CACNA1E: variants seen among roughly 807,000 people sequenced by gnomAD.
CACNA1E encodes the protein voltage-dependent R-type calcium channel subunit alpha-1E.
CACNA1E carries 40 observed loss-of-function variants against 259.2 expected under a neutral mutation model. That is an observed-to-expected ratio of 0.15 (90% CI 0.12 to 0.20). CACNA1E has a LOEUF of 0.20. CACNA1E is among the 10% of genes least tolerant of loss of function. The probability of loss-of-function intolerance (pLI) is 1.00; values close to 1 mark genes in which losing one functional copy is unlikely to be tolerated. For missense variants in CACNA1E, 1,874 were observed against 3,040.1 expected, an observed-to-expected ratio of 0.62 and a Z score of 9.02; for synonymous variants, 1,104 against 1,138.5, an observed-to-expected ratio of 0.97 and a Z score of 0.61.
At chr1:181,642,495 G>A (rs908935517) in intron 6 of CACNA1E, among the ~76,000 whole-genome samples, 7 of 152,138 alleles carry the variant, frequency 4.6e-5, no homozygotes, top group Non-Finnish European at 8.8e-5. Flanking sequence ...TGCACAAAAC[G>A]TTCACAATAG....
At chr1:181,779,451 T>C (rs1002892595) in intron 38 of CACNA1E, 8 of 449,076 alleles carry the variant, frequency 1.8e-5, no homozygotes, top group Non-Finnish European at 3.6e-5. Context: ...AGCGGCAGGA[T>C]CCCGTATAAG....
chr1:181,789,258 G>A (rs951736562), intron 43 of CACNA1E, among the ~76,000 whole-genome samples: 3 of 152,328 alleles, frequency 2.0e-5, no homozygotes, highest in South Asian at 2.1e-4. Flanking sequence ...ATTTAGGCAG[G>A]TCATTTAAAT....
intron 7 of CACNA1E, chr1:181,669,062 T>C (rs1648535281): frequency 6.6e-6 from 1 of 152,172 alleles, no homozygotes; most frequent in African/African-American, 2.4e-5. Flanking sequence ...CAATAATTAT[T>C]AAATCATGTT....
chr1:181,712,965 A>G (rs1653528624), intron 8 of CACNA1E, among the ~76,000 whole-genome samples: 1 of 152,218 alleles, frequency 6.6e-6, no homozygotes, highest in Admixed American at 6.5e-5. Flanking sequence ...TGGCAAAGCC[A>G]GCTCTCTCCT....
intron 1 of CACNA1E, among the ~76,000 whole-genome samples, chr1:181,328,752 G>A (rs1650995219): frequency 6.6e-6 from 1 of 152,130 alleles, no homozygotes; most frequent in Non-Finnish European, 1.5e-5. Context: ...ACAGATTGAG[G>A]GAAGGTAAGT....
In CACNA1E at chr1:181,732,563, T is replaced by G. The variant is rs1218563653; in HGVS notation, c.2477T>G (p.Leu826Arg). The G allele has an allele frequency of 5.8e-6, 9 of 1,540,534 alleles. No individual in the cohort carries two copies. The highest frequency in any genetic ancestry group is 7.9e-6 in the Non-Finnish European group (9 of 1,142,000). ...SLNPLNAHPS[L>R]YRRPRAIEGL... is the part of the protein sequence containing the mutation. ...AACCCGCTCAATGCCCACCCCAGCCTTTATCGGCGACCCAGGGCCATTGAG... is the reference window on the plus strand; with the variant it reads ...AACCCGCTCAATGCCCACCCCAGCCGTTATCGGCGACCCAGGGCCATTGAG... The change falls in exon 20 of 48, where the codon CTT becomes CGT. Residue 826 changes from leucine (L) to arginine (R), a missense_variant. Leu to Arg is a moderately radical substitution (Grantham distance 102). Transcript: ENST00000367573. This position sits in a 1 kb window ranked among gnomAD's most constrained non-coding sequence, Gnocchi z 5.5.
intron 1 of CACNA1E, among the ~76,000 whole-genome samples, chr1:181,487,035 T>G (rs1663885403): frequency 6.6e-6 from 1 of 152,150 alleles, no homozygotes; most frequent in South Asian, 2.1e-4. Flanking sequence ...TTTTTTTTTT[T>G]TTTTTAAGAA....
At chr1:181,497,769 A>T (rs570356894) in intron 1 of CACNA1E, among the ~76,000 whole-genome samples, 34 of 152,328 alleles carry the variant, frequency 2.2e-4, no homozygotes, top group African/African-American at 8.2e-4. Context: ...TTAGGATGAC[A>T]CTGTGAACTA....
At position 181,785,341 on chromosome 1, in the gene CACNA1E, A is replaced by G. The variant is rs1183137426; in HGVS notation, c.5602A>G (p.Ile1868Val). 2 of 1,613,336 alleles carry G rather than the reference A, an allele frequency of 1.2e-6. No individual in the cohort carries two copies. Among genetic ancestry groups the G allele is most frequent in the Non-Finnish European group, 1.7e-6 (2 of 1,179,530 alleles). ...AGCCTCTGACCTGACTGTGGGCAAA[A>G]TCTATGCAGCAATGATGATCATGGA... ...PKASDLTVGKIYAAMMIMDYY... is the reference protein window; with the variant it reads ...PKASDLTVGKVYAAMMIMDYY... Residue 1868 changes from isoleucine (I) to valine (V), a missense_variant, in exon 42 of 48, where the codon ATC becomes GTC. Ile to Val is a conservative substitution (Grantham distance 29, BLOSUM62 3). This residue lies in a region of CACNA1E where 147 missense variants were observed against 337.1 expected (regional missense o/e 0.44). Coordinates refer to ENST00000367573, the MANE Select transcript of CACNA1E (RefSeq NM_001205293.3).
chr1:181,470,562 CAA>C (rs1259167629), intron 2 of CACNA1E, among the ~76,000 whole-genome samples: 2 of 152,066 alleles, frequency 1.3e-5, no homozygotes, highest in Non-Finnish European at 1.5e-5. Flanking sequence ...ACTGTGGCAA[CAA>C]TGCCTTTTCC....
At chr1:181,444,428 GA>G (rs1660686599) in intron 2 of CACNA1E, among the ~76,000 whole-genome samples, 1 of 152,174 alleles carries the variant, frequency 6.6e-6, no homozygotes, top group African/African-American at 2.4e-5. Context: ...GCTATGGGGG[GA>G]AAGGGAGGAG....
intron 10 of CACNA1E, 59 bp from the exon 11 acceptor site, chr1:181,717,034 C>T: frequency 6.8e-7 from 1 of 1,472,030 alleles, no homozygotes; most frequent in Non-Finnish European, 9.5e-7. Flanking sequence ...TTCGAATGCT[C>T]CCTGGCCCGG....
intron 6 of CACNA1E, among the ~76,000 whole-genome samples, chr1:181,594,459 C>T (rs182161001): frequency 2.3e-4 from 35 of 152,292 alleles, no homozygotes; most frequent in East Asian, 9.6e-4. Flanking sequence ...AGTGCAGTGG[C>T]GTGATCTTGG....
intron 35 of CACNA1E, among the ~76,000 whole-genome samples, chr1:181,770,152 G>GA (rs1263276909): frequency 6.6e-6 from 1 of 152,174 alleles, no homozygotes; most frequent in Non-Finnish European, 1.5e-5. Flanking sequence ...CTGTGAGGGG[G>GA]AAAATGTGTT....
chr1:181,392,501 A>G (rs1438137158), intron 1 of CACNA1E, among the ~76,000 whole-genome samples: 1 of 151,798 alleles, frequency 6.6e-6, no homozygotes, highest in African/African-American at 2.4e-5. Context: ...AGGCTCTTCC[A>G]TGGCCAGGAC....
chr1:181,453,512 G>C (rs1364077689), intron 2 of CACNA1E, among the ~76,000 whole-genome samples: 2 of 152,216 alleles, frequency 1.3e-5, no homozygotes, highest in African/African-American at 4.8e-5. Flanking sequence ...GTAATACAAG[G>C]AGGAGGCAGG....
At chr1:181,524,913 G>A (rs943294487) in intron 3 of CACNA1E, among the ~76,000 whole-genome samples, 3 of 152,138 alleles carry the variant, frequency 2.0e-5, no homozygotes, top group Non-Finnish European at 4.4e-5. Context: ...TTATCTATGT[G>A]AGTATAAATT....
chr1:181,661,517 T>A (rs1363913557), intron 7 of CACNA1E, among the ~76,000 whole-genome samples: 1 of 151,992 alleles, frequency 6.6e-6, no homozygotes, highest in South Asian at 2.1e-4. Context: ...AGACTGTAGG[T>A]GGCTGGGGGA....
At chr1:181,595,094 A>C (rs1311194422) in intron 6 of CACNA1E, among the ~76,000 whole-genome samples, 2 of 152,246 alleles carry the variant, frequency 1.3e-5, no homozygotes, top group East Asian at 3.8e-4. Context: ...TGCTCAAAGC[A>C]TCCTGATATC....
Sources: gnomAD v4.1 joint callset for allele counts (sites outside exome capture counted in the v4.1 genomes callset) on GRCh38, gnomAD v4.1.1 for gene constraint, gnomAD v4.1.1 regional missense constraint, Gnocchi (gnomAD v3.1) non-coding constraint, MANE v1.5 for transcripts, NCBI Gene and HGNC (gene_info 2026-07-23, HGNC 2026-07-21) for gene names.